The following MIDN variants were observed in gnomAD, a reference collection of about 807,000 sequenced individuals.
MIDN encodes the protein midbrain nucleolar protein.
MIDN carries 26 observed loss-of-function variants against 46.1 expected under a neutral mutation model. That is an observed-to-expected ratio of 0.56 (90% CI 0.41 to 0.78). The LOEUF (loss-of-function observed/expected upper bound fraction) is 0.78. Among genes scored for constraint, MIDN ranks in the 30% least tolerant of loss-of-function variants. The pLI is 0.00. For synonymous variants in MIDN, 432 were observed against 343.3 expected (o/e 1.26, Z -2.86); for missense variants, 850 against 771.8 (o/e 1.10, Z -1.20).
rs2081209527 is a variant in MIDN at position 1,257,163 on chromosome 19, G to C, written c.1427G>C (p.Gly476Ala). The change falls in exon 9 of 9, where the codon GGG becomes GCG. Residue 476 changes from glycine to alanine, a missense_variant. Physicochemically the swap from Gly to Ala is moderately conservative, Grantham distance 60. Transcript: ENST00000682408. ...GGCCGCAGCGACAGCAGTAGCAGCG[G>C]GGGCGGCGGCAGCCCCAGCGAGGCC... ...KAGRSDSSSSGGGGSPSEASG... is the reference protein window; with the variant it reads ...KAGRSDSSSSAGGGSPSEASG... 1 of 1,611,598 alleles carries C rather than the reference G, an allele frequency of 6.2e-7. No homozygotes were observed.
rs1167913744 is a variant in MIDN at position 1,258,836 on chromosome 19, G to A, written c.*1564G>A. On this transcript the variant is annotated 3_prime_UTR_variant, in exon 9 of 9. Coordinates refer to ENST00000682408, the MANE Select transcript of MIDN (RefSeq NM_001388306.1). The stretch of plus-strand genomic sequence containing the variant: ...AATAGAAAAAAAAGGAGTAAAAGGG[G>A]CGGGTTTGTTTTTTGAAGAACTGTC... 6.6e-6 allele frequency: 1 copy of A among 151,992 alleles called. No homozygotes were observed. The highest frequency in any genetic ancestry group is 1.5e-5 in the Non-Finnish European group (1 of 68,002). 9.4% of individuals were successfully genotyped at this position (151,992 alleles called of 1,614,324 possible). A position where few individuals can be genotyped will look rare whatever the true frequency, so the allele number is the denominator to read the frequency against.
chr19:1,252,348 C>A (rs2081140952), intron 4 of MIDN, among the ~76,000 whole-genome samples: 2 of 152,140 alleles, frequency 1.3e-5, no homozygotes, highest in African/African-American at 4.8e-5. Context: ...TCCGTGACCC[C>A]CATCGTGAGA....
Position 1,254,389 on chromosome 19 carries a change from C to T in MIDN, c.736C>T (p.Pro246Ser). The T allele has an allele frequency of 6.4e-7, 1 of 1,561,798 alleles. No homozygotes were observed. Among genetic ancestry groups the T allele is most frequent in the Non-Finnish European group, 8.6e-7 (1 of 1,160,610 alleles). The change falls in exon 6 of 9, where the codon CCG becomes TCG. Residue 246 changes from proline (P) to serine (S), a missense_variant. Physicochemically the swap from Pro to Ser is moderately conservative, Grantham distance 74 (BLOSUM62 -1). Transcript: ENST00000682408. ...RPVSSAARVP[P>S]VPTSPSPASP... is the part of the protein sequence containing the mutation. Reference sequence around the variant, plus strand: ...GGTGTCCAGTGCCGCCCGAGTCCCCCCGGTGCCCACCAGCCCGTCCCCTGC... The same window carrying T: ...GGTGTCCAGTGCCGCCCGAGTCCCCTCGGTGCCCACCAGCCCGTCCCCTGC...
Position 1,251,579 on chromosome 19 carries a change from A to G in MIDN, c.251A>G (p.Lys84Arg), listed in dbSNP as rs767007304. Residue 84 changes from lysine (K) to arginine (R), a missense_variant, in exon 3 of 9, where the codon AAG (lysine) becomes AGG (arginine). Transcript: ENST00000682408. Reference protein sequence around the residue: ...LHKDTRLSSGKLQEFGVGDGS... With the variant: ...LHKDTRLSSGRLQEFGVGDGS... ...CCCCCCAGCCGGCTCAGTTCGGGGA[A>G]GCTGCAGGAGTTCGGCGTGGGTGAT... The G allele has an allele frequency of 1.2e-6, 2 of 1,606,560 alleles. No homozygotes were observed. The highest frequency in any genetic ancestry group is 1.7e-6 in the Non-Finnish European group (2 of 1,177,560).
Position 1,254,372 on chromosome 19 carries a change from G to C in MIDN, c.719G>C (p.Ser240Thr). Residue 240 changes from serine to threonine, a missense_variant, in exon 6 of 9, where the codon AGT becomes ACT. Transcript: ENST00000682408. ...TCCTCGCCCTGCCGGCCGGTGTCCA[G>C]TGCCGCCCGAGTCCCCCCGGTGCCC... ...PVSSPCRPVSSAARVPPVPTS... is the reference protein window; with the variant it reads ...PVSSPCRPVSTAARVPPVPTS... 6.4e-7 allele frequency: 1 copy of C among 1,562,082 alleles called. No homozygotes were observed. Among genetic ancestry groups the C allele is most frequent in the Non-Finnish European group, 8.6e-7 (1 of 1,160,782 alleles).
rs943873500 is a variant in MIDN at position 1,258,194 on chromosome 19, A to C, written c.*922A>C. Reference sequence around the variant, plus strand: ...ATAGTGGTTGGGGAACTCTTGAAAAAGGGGAGAGAATGGCTGGGTGCTGGG... The same window carrying C: ...ATAGTGGTTGGGGAACTCTTGAAAACGGGGAGAGAATGGCTGGGTGCTGGG... On this transcript the variant is annotated 3_prime_UTR_variant, in exon 9 of 9. Coordinates refer to ENST00000682408, the MANE Select transcript of MIDN (RefSeq NM_001388306.1). 1 of 152,606 alleles carries C rather than the reference A, an allele frequency of 6.6e-6. No individual in the cohort carries two copies. Among genetic ancestry groups the C allele is most frequent in the African/African-American group, 2.4e-5 (1 of 41,456 alleles). The allele number at this position is 152,606 out of a possible 1,614,324, so 9.5% of individuals were successfully genotyped here.
At chr19:1,252,481 T>C (rs908699346) in intron 4 of MIDN, among the ~76,000 whole-genome samples, 3 of 151,462 alleles carry the variant, frequency 2.0e-5, no homozygotes, top group African/African-American at 4.9e-5. Context: ...TAGGAAAATA[T>C]TTAGTAAGCG....
At chr19:1,252,489 G>T (rs1273994846) in intron 4 of MIDN, among the ~76,000 whole-genome samples, 1 of 152,174 alleles carries the variant, frequency 6.6e-6, no homozygotes, top group Non-Finnish European at 1.5e-5. Flanking sequence ...TATTTAGTAA[G>T]CGGCCAGGAG....
chr19:1,251,670 GTGCCCCCA>G, intron 3 of MIDN, 21 bp downstream of exon 3: 1 of 1,598,912 alleles, frequency 6.3e-7, no homozygotes, highest in South Asian at 1.1e-5. Flanking sequence ...ATGGGGCTGC[GTGCCCCCA>G]GAGGCCCCCG....
rs1568794493 is a variant in MIDN, at chr19:1,255,677, G to A, written c.1241G>A (p.Arg414His). Residue 414 changes from arginine (R) to histidine (H), a missense_variant, in exon 8 of 9, where the codon CGC becomes CAC. By Grantham distance (29) the Arg-to-His change is conservative. Coordinates refer to ENST00000682408, the MANE Select transcript of MIDN (RefSeq NM_001388306.1). ...ASLLQGQSQIRMCKPPGDRLR... is the reference protein window; with the variant it reads ...ASLLQGQSQIHMCKPPGDRLR... Reference sequence around the variant, plus strand: ...CTGCTGCAGGGCCAGAGCCAGATCCGCATGTGCAAGCCCCCGGGTGAGTGG... The same window carrying A: ...CTGCTGCAGGGCCAGAGCCAGATCCACATGTGCAAGCCCCCGGGTGAGTGG... 15 of 1,589,702 alleles carry A rather than the reference G, an allele frequency of 9.4e-6. No homozygotes were observed. Among genetic ancestry groups the A allele is most frequent in the Non-Finnish European group, 1.2e-5 (14 of 1,172,112 alleles).
chr19:1,251,284 G>T, intron 2 of MIDN: 1 of 466,668 alleles, frequency 2.1e-6, no homozygotes, highest in Non-Finnish European at 3.8e-6. Flanking sequence ...GGGCCCAGAG[G>T]AGGAGAAAGT....
In MIDN at chr19:1,250,407, C is replaced by T; in HGVS notation, c.111C>T (p.Ser37=). The part of the protein sequence containing the change: ...EAAPMSLAIH[S]TTGTRYDLAV... ...CGCCCATGAGCCTCGCCATCCACAG[C>T]ACCACGGGCACCCGCTACGACCTGG... Residue 37 remains serine (S), a synonymous_variant, in exon 2 of 9, where the codon AGC becomes AGT. Coordinates refer to ENST00000682408, the MANE Select transcript of MIDN (RefSeq NM_001388306.1). The T allele has an allele frequency of 7.5e-7, 1 of 1,337,094 alleles. No homozygotes were observed. Among genetic ancestry groups the T allele is most frequent in the Non-Finnish European group, 9.8e-7 (1 of 1,023,274 alleles). 82.8% of individuals were successfully genotyped at this position (1,337,094 alleles called of 1,614,324 possible).
chr19:1,255,341 T>A, intron 7 of MIDN, 81 bp from the exon 8 acceptor site: 2 of 1,461,002 alleles, frequency 1.4e-6, no homozygotes, highest in Admixed American at 4.4e-5. Flanking sequence ...CCTGAGCTCA[T>A]GAGCTCACAC....
chr19:1,249,052 CGGCGCTCCCAGGCGGGCCCGGCAGAG>C (rs982709802), intron 1 of MIDN, among the ~76,000 whole-genome samples: 41 of 151,840 alleles, frequency 2.7e-4, no homozygotes, highest in Middle Eastern at 3.4e-3. Flanking sequence ...GGACTCCGGG[CGGCGCTCCCAGGCGGGCCCGGCAGAG>C]GGCGCGCCCG....
chr19:1,251,357 G>T (rs912507687), intron 2 of MIDN: 51 of 560,742 alleles, frequency 9.1e-5, no homozygotes, highest in Middle Eastern at 3.5e-4. Context: ...GAGGGAAGGG[G>T]TCCGAATCGC....
rs528840211 is a variant in MIDN at position 1,256,400 on chromosome 19, G to A, written c.1259-595G>A. ...CGGGAGGCTGAGACAGGAGAATGGCGTGAACCCAGAGGCGGAGCTTGCAGT... is the reference window on the plus strand; with the variant it reads ...CGGGAGGCTGAGACAGGAGAATGGCATGAACCCAGAGGCGGAGCTTGCAGT... On this transcript the variant is annotated intron_variant, in intron 8 of 8. Coordinates refer to ENST00000682408, the MANE Select transcript of MIDN (RefSeq NM_001388306.1). 4.0e-4 allele frequency among the ~76,000 whole-genome samples: 61 copies of A among 151,386 alleles called. 1 individual carries two copies. In the South Asian group the frequency reaches 0.013, roughly 31 times the overall value.
At position 1,257,742 on chromosome 19, in the gene MIDN, G is replaced by C. The variant is rs908894781; in HGVS notation, c.*470G>C. On this transcript the variant is annotated 3_prime_UTR_variant, in exon 9 of 9. Coordinates refer to ENST00000682408, the MANE Select transcript of MIDN (RefSeq NM_001388306.1). ...ATGTCATTATGCACTTTACAGATGA[G>C]GGGAGGGGCCGCAGTGCGCAGAACC... 1.2e-5 allele frequency: 2 copies of C among 163,724 alleles called. No individual in the cohort carries two copies. Among genetic ancestry groups the C allele is most frequent in the Non-Finnish European group, 2.7e-5 (2 of 75,166 alleles). 10.1% of individuals were successfully genotyped at this position (163,724 alleles called of 1,614,324 possible).
At chr19:1,254,570 C>G in intron 6 of MIDN, 92 bp downstream of exon 6, 3 of 1,333,512 alleles carry the variant, frequency 2.2e-6, no homozygotes, top group Non-Finnish European at 3.1e-6. Context: ...GACTCTTAGT[C>G]CCAGGTGAGT....
rs1359493272 is a variant in MIDN at position 1,259,024 on chromosome 19, C to T, written c.*1752C>T. ...AAAGCATTACCCGCCCTCGGGGGGTCGGGCTGTGGGGGTCCCGGCACCTGG... is the reference window on the plus strand; with the variant it reads ...AAAGCATTACCCGCCCTCGGGGGGTTGGGCTGTGGGGGTCCCGGCACCTGG... On this transcript the variant is annotated 3_prime_UTR_variant, in exon 9 of 9. Transcript: ENST00000682408. 7 of 145,248 alleles carry T rather than the reference C, an allele frequency of 4.8e-5. No individual in the cohort carries two copies. Among genetic ancestry groups the T allele is most frequent in the African/African-American group, 1.8e-4 (7 of 39,038 alleles). The allele number at this position is 145,248 out of a possible 1,614,324, so 9.0% of individuals were successfully genotyped here.
Sources: allele counts gnomAD v4.1 joint callset (sites outside exome capture counted in the v4.1 genomes callset), GRCh38; gene constraint gnomAD v4.1.1; transcripts MANE v1.5; gene names NCBI Gene and HGNC (gene_info 2026-07-23, HGNC 2026-07-21).